The following TIMD4 variants were observed in gnomAD, a reference collection of about 807,000 sequenced individuals.
TIMD4 encodes the protein T cell immunoglobulin and mucin domain containing 4, also known as T-cell immunoglobulin and mucin domain-containing protein 4.
TIMD4 carries 31 observed loss-of-function variants against 41.2 expected under a neutral mutation model. The observed-to-expected ratio is 0.75, with a 90% confidence interval of 0.57 to 1.01. The LOEUF (loss-of-function observed/expected upper bound fraction) is 1.01. Ranked by LOEUF, TIMD4 falls within the 50% of genes least tolerant of loss-of-function variation. The pLI, the probability that TIMD4 is intolerant of heterozygous loss-of-function variation, is 0.00. For missense variants in TIMD4, 479 were observed against 472.5 expected, an observed-to-expected ratio of 1.01 and a Z score of -0.13; for synonymous variants, 204 against 177.1, an observed-to-expected ratio of 1.15 and a Z score of -1.21.
rs3068099 is a variant in TIMD4, at chr5:156,951,007, T to TACACACAC, written c.679+497_679+504dup. ...ACAATTTGGTGAAAACACCTCCTCG[T>TACACACAC]ACACACACACACACACACACACACC... On this transcript the variant is annotated intron_variant, in intron 3 of 8. Coordinates refer to ENST00000274532, the MANE Select transcript of TIMD4 (RefSeq NM_138379.3). Among the ~76,000 whole-genome samples the TACACACAC allele has an allele frequency of 5.3e-3, 789 of 149,462 alleles. 5 individuals carry two copies. The highest frequency in any genetic ancestry group is 0.018 in the African/African-American group (731 of 40,868).
intron 5 of TIMD4, among the ~76,000 whole-genome samples, chr5:156,944,825 A>G (rs1228398368): frequency 6.6e-6 from 1 of 152,078 alleles, no homozygotes; most frequent in South Asian, 2.1e-4. Context: ...CTGGGATTAC[A>G]GGCTTGAGCC....
At chr5:156,944,234 G>A (rs1759697088) in intron 5 of TIMD4, among the ~76,000 whole-genome samples, 1 of 152,128 alleles carries the variant, frequency 6.6e-6, no homozygotes, top group African/African-American at 2.4e-5. Context: ...GTTTGTGCTT[G>A]TACTTGTTAC....
At chr5:156,929,726 A>T (rs1346863566) in intron 5 of TIMD4, among the ~76,000 whole-genome samples, 1 of 152,150 alleles carries the variant, frequency 6.6e-6, no homozygotes, top group Non-Finnish European at 1.5e-5. Flanking sequence ...CTGAGAGAGA[A>T]TGAAAATTTC....
At chr5:156,920,625 G>T (rs1408501358) in intron 7 of TIMD4, 122 bp from the exon 8 acceptor site, 34 of 970,262 alleles carry the variant, frequency 3.5e-5, no homozygotes, top group Non-Finnish European at 5.2e-5. Context: ...AGAACCAGTG[G>T]CTGGCTTTGG....
At position 156,933,211 on chromosome 5, in the gene TIMD4, G is replaced by A. The variant is rs115816489; in HGVS notation, c.845-6899C>T. 1.9e-3 allele frequency among the ~76,000 whole-genome samples: 285 copies of A among 152,180 alleles called. 1 individual carries two copies. Among genetic ancestry groups the A allele is most frequent in the Admixed American group, 5.4e-3 (83 of 15,290 alleles). ...TTTTTGTGAAAAACAATAATCTATT[G>A]TTATGAGGAAAATTAAAAAGACTGG... On this transcript the variant is annotated intron_variant, in intron 5 of 8. Transcript: ENST00000274532.
intron 5 of TIMD4, among the ~76,000 whole-genome samples, chr5:156,932,488 G>T (rs1759460117): frequency 1.3e-5 from 2 of 152,246 alleles, no homozygotes; most frequent in African/African-American, 2.4e-5. Context: ...TAAGTCCAAA[G>T]AATTTTTAAC....
chr5:156,920,451 C>A lies in TIMD4; in HGVS notation c.1052+13G>T, dbSNP rs765599734. ...ACAATCATTACAACACCCATTCATG[C>A]AAGATAGATTACCTTGTGTGTTTCT... On this transcript the variant is annotated intron_variant, in intron 8 of 8. Coordinates refer to ENST00000274532, the MANE Select transcript of TIMD4 (RefSeq NM_138379.3). 1 of 1,613,764 alleles carries A rather than the reference C, an allele frequency of 6.2e-7. No homozygotes were observed. The highest frequency in any genetic ancestry group is 2.2e-5 in the East Asian group (1 of 44,878).
chr5:156,961,842 A>AAAAAAAAAAAG (rs1753067007), intron 1 of TIMD4, among the ~76,000 whole-genome samples: 1 of 136,708 alleles, frequency 7.3e-6, no homozygotes, highest in African/African-American at 2.9e-5. Flanking sequence ...AAAAAGAAAG[A>AAAAAAAAAAAG]AAAAAAAAAA....
chr5:156,938,007 T>C (rs528123792), intron 5 of TIMD4, among the ~76,000 whole-genome samples: 1 of 152,362 alleles, frequency 6.6e-6, no homozygotes, highest in South Asian at 2.1e-4. Flanking sequence ...CCTTTCTCTG[T>C]TCCTTCTGCT....
intron 5 of TIMD4, among the ~76,000 whole-genome samples, chr5:156,942,795 C>T (rs919983622): frequency 6.6e-6 from 1 of 152,182 alleles, no homozygotes; most frequent in Non-Finnish European, 1.5e-5. Flanking sequence ...TAACTTGATT[C>T]TCAAGCCTAA....
intron 5 of TIMD4, among the ~76,000 whole-genome samples, chr5:156,944,060 CAA>C (rs199522710): frequency 5.9e-5 from 6 of 100,982 alleles, no homozygotes; most frequent in Admixed American, 1.1e-4. Context: ...GACTCTGTCT[CAA>C]AAAAAAAAAA....
chr5:156,960,405 CTTT>C (rs1223450556), intron 1 of TIMD4, among the ~76,000 whole-genome samples: 4 of 135,252 alleles, frequency 3.0e-5, no homozygotes, highest in African/African-American at 2.8e-5. Flanking sequence ...TTTCTTCCCC[CTTT>C]TTTTTTTTTT....
chr5:156,921,488 C>T (rs776283752), intron 7 of TIMD4, among the ~76,000 whole-genome samples: 2 of 151,624 alleles, frequency 1.3e-5, no homozygotes, highest in Admixed American at 6.6e-5. Flanking sequence ...CGTGTGATGG[C>T]GTGAACCTGT....
At chr5:156,953,210 C>A (rs1467021518) in intron 2 of TIMD4, among the ~76,000 whole-genome samples, 2 of 152,174 alleles carry the variant, frequency 1.3e-5, no homozygotes, top group African/African-American at 4.8e-5. Context: ...CTTCAATAAA[C>A]CTCATTTCTC....
intron 6 of TIMD4, chr5:156,924,399 T>TG (rs1759308322): frequency 7.2e-6 from 3 of 416,844 alleles, no homozygotes; most frequent in Non-Finnish European, 9.6e-6. Context: ...TTTGGTTCAA[T>TG]GGGGGTGAGA....
At chr5:156,949,868 A>G in intron 3 of TIMD4, 137 bp from the exon 4 acceptor site, 1 of 588,404 alleles carries the variant, frequency 1.7e-6, no homozygotes, top group Non-Finnish European at 3.2e-6. Flanking sequence ...CCCAGGCTGG[A>G]GTGCAGTGGC....
chr5:156,955,023 G>A (rs1310048919), intron 1 of TIMD4, among the ~76,000 whole-genome samples: 1 of 152,018 alleles, frequency 6.6e-6, no homozygotes, highest in Non-Finnish European at 1.5e-5. Context: ...GACCACAGGT[G>A]CGTGGCAGCA....
chr5:156,923,024 C>T (rs1018998448), intron 6 of TIMD4, among the ~76,000 whole-genome samples: 1 of 151,488 alleles, frequency 6.6e-6, no homozygotes, highest in African/African-American at 2.4e-5. Flanking sequence ...CAAACTTGCA[C>T]ATGTACCCCT....
chr5:156,954,352 TC>T (rs2113389253), intron 2 of TIMD4, 62 bp downstream of exon 2: 1 of 1,474,462 alleles, frequency 6.8e-7, no homozygotes, highest in Non-Finnish European at 9.3e-7. Flanking sequence ...CATCCACTGA[TC>T]CCATTGTCCA....
Sources: allele counts gnomAD v4.1 joint callset (sites outside exome capture counted in the v4.1 genomes callset), GRCh38; gene constraint gnomAD v4.1.1; transcripts MANE v1.5; gene names NCBI Gene and HGNC (gene_info 2026-07-23, HGNC 2026-07-21).